KCNT2: variants seen among roughly 807,000 people sequenced by gnomAD.
KCNT2 encodes the protein potassium sodium-activated channel subfamily T member 2.
Under a neutral mutation model 153.8 loss-of-function variants are expected in KCNT2, and 67 were observed. The ratio of observed to expected loss-of-function variants is 0.44; its 90% CI spans 0.36 to 0.53. The LOEUF (loss-of-function observed/expected upper bound fraction) is 0.53. KCNT2 is among the 20% of genes least tolerant of loss of function. The pLI, the probability that KCNT2 is intolerant of heterozygous loss-of-function variation, is 0.00. For synonymous variants in KCNT2, 500 were observed against 458.8 expected (o/e 1.09, Z -1.15); for missense variants, 975 against 1,354.8 (o/e 0.72, Z 4.40).
chr1:196,386,871 T>C (rs1558228285), intron 13 of KCNT2, among the ~76,000 whole-genome samples: 1 of 152,094 alleles, frequency 6.6e-6, no homozygotes, highest in Admixed American at 6.6e-5. Context: ...AAATATTAAG[T>C]GAGATCGATC....
At chr1:196,514,128 G>A (rs1681863745) in intron 1 of KCNT2, among the ~76,000 whole-genome samples, 1 of 152,148 alleles carries the variant, frequency 6.6e-6, no homozygotes, top group Non-Finnish European at 1.5e-5. Flanking sequence ...CTAAAATTGT[G>A]AGGGCAGGAA....
intron 17 of KCNT2, among the ~76,000 whole-genome samples, chr1:196,332,628 G>A (rs569865100): frequency 2.1e-4 from 32 of 152,134 alleles, no homozygotes; most frequent in South Asian, 1.0e-3. Flanking sequence ...ACTACTACCC[G>A]TAATATGACT....
chr1:196,504,857 G>T (rs913094164), intron 1 of KCNT2, among the ~76,000 whole-genome samples: 48 of 152,230 alleles, frequency 3.2e-4, no homozygotes, highest in African/African-American at 1.1e-3. Flanking sequence ...ATTTTTTTAT[G>T]TGTTTTTTGG....
intron 8 of KCNT2, among the ~76,000 whole-genome samples, chr1:196,464,777 A>G (rs1286931971): frequency 6.6e-6 from 1 of 152,008 alleles, no homozygotes. Context: ...TTTATAATAA[A>G]GCATATTTTA....
chr1:196,424,956 C>T (rs1673525634), intron 11 of KCNT2, among the ~76,000 whole-genome samples: 1 of 150,844 alleles, frequency 6.6e-6, no homozygotes, highest in African/African-American at 2.4e-5. Context: ...CTCAGGTTAT[C>T]CAGGAAAGAA....
At chr1:196,348,225 T>C (rs118074935) in intron 14 of KCNT2, among the ~76,000 whole-genome samples, 1 of 149,140 alleles carries the variant, frequency 6.7e-6, no homozygotes, top group East Asian at 2.0e-4. Flanking sequence ...AAAAACTGAG[T>C]TTCATAATCA....
intron 1 of KCNT2, among the ~76,000 whole-genome samples, chr1:196,514,576 T>G (rs1681898791): frequency 6.6e-6 from 1 of 152,208 alleles, no homozygotes; most frequent in Non-Finnish European, 1.5e-5. Context: ...ATGTGTACTA[T>G]GTGAACACTT....
At chr1:196,578,483 G>T (rs879625589) in intron 1 of KCNT2, among the ~76,000 whole-genome samples, 1 of 152,160 alleles carries the variant, frequency 6.6e-6, no homozygotes, top group East Asian at 1.9e-4. Flanking sequence ...ACAGAGCACT[G>T]GAGGATGAAA....
At chr1:196,277,604 C>G (rs1186841738) in intron 25 of KCNT2, among the ~76,000 whole-genome samples, 1 of 152,078 alleles carries the variant, frequency 6.6e-6, no homozygotes, top group Non-Finnish European at 1.5e-5. Context: ...GATCTGACAG[C>G]AACCTAAGCA....
chr1:196,309,223 G>C (rs564578378), intron 21 of KCNT2, among the ~76,000 whole-genome samples: 36 of 151,952 alleles, frequency 2.4e-4, no homozygotes, highest in South Asian at 4.1e-4. Flanking sequence ...TGAAAATCAA[G>C]TTTAACTTTT....
At chr1:196,527,893 C>T (rs911975821) in intron 1 of KCNT2, among the ~76,000 whole-genome samples, 6 of 152,156 alleles carry the variant, frequency 3.9e-5, no homozygotes, top group Non-Finnish European at 7.4e-5. Context: ...TACCAAATTT[C>T]TTCTGCCATT....
chr1:196,275,453 G>GA (rs989840789), intron 25 of KCNT2, among the ~76,000 whole-genome samples: 3 of 151,462 alleles, frequency 2.0e-5, no homozygotes, highest in African/African-American at 4.8e-5. Flanking sequence ...CATCACACCA[G>GA]AAAAAAATGA....
intron 25 of KCNT2, among the ~76,000 whole-genome samples, chr1:196,279,832 TA>T (rs776307977): frequency 1.3e-5 from 2 of 152,088 alleles, no homozygotes; most frequent in African/African-American, 2.4e-5. Context: ...TGTCAAACTA[TA>T]AATTTGATCA....
intron 27 of KCNT2, among the ~76,000 whole-genome samples, chr1:196,235,247 T>C (rs1435347104): frequency 6.6e-6 from 1 of 151,428 alleles, no homozygotes; most frequent in Non-Finnish European, 1.5e-5. Context: ...ATTCTTTCTG[T>C]TCTGGAATGT....
rs561036529 is a variant in KCNT2, at chr1:196,238,300, G to T, written c.3212-2230C>A. ...TGTAGATAATTGAGAAATTTCCGGT[G>T]GGAGATATGATTTTTGTGCCAATAT... is the stretch of plus-strand genomic sequence containing the variant. On this transcript the variant is annotated intron_variant, in intron 26 of 27. Coordinates refer to ENST00000294725, the MANE Select transcript of KCNT2 (RefSeq NM_198503.5). Among the ~76,000 whole-genome samples, 29 of 151,752 alleles carry T rather than the reference G, an allele frequency of 1.9e-4. No homozygotes were observed. The South Asian group carries it at 5.6e-3, about 29-fold the overall frequency.
chr1:196,459,085 T>C (rs937141120), intron 8 of KCNT2, among the ~76,000 whole-genome samples: 2 of 151,798 alleles, frequency 1.3e-5, no homozygotes, highest in African/African-American at 4.8e-5. Context: ...ATTTGAGATG[T>C]TGGGATTCTA....
intron 25 of KCNT2, among the ~76,000 whole-genome samples, chr1:196,272,636 T>C (rs1181490701): frequency 1.3e-5 from 2 of 151,900 alleles, no homozygotes; most frequent in African/African-American, 4.8e-5. Flanking sequence ...GATGACTTGT[T>C]GAAACCACAG....
At chr1:196,344,758 C>T (rs79271763) in intron 14 of KCNT2, among the ~76,000 whole-genome samples, 7,554 of 152,234 alleles carry the variant, frequency 0.05, 285 homozygotes, top group Non-Finnish European at 0.072. Flanking sequence ...TGGATGGAAT[C>T]GGACTAGGAC....
chr1:196,389,704 C>T (rs1382464132), intron 13 of KCNT2, among the ~76,000 whole-genome samples: 1 of 151,592 alleles, frequency 6.6e-6, no homozygotes, highest in African/African-American at 2.4e-5. Context: ...TAACCCATTC[C>T]TGGAATCATT....
Sources: gnomAD v4.1 joint callset for allele counts (sites outside exome capture counted in the v4.1 genomes callset) on GRCh38, gnomAD v4.1.1 for gene constraint, MANE v1.5 for transcripts, NCBI Gene and HGNC (gene_info 2026-07-23, HGNC 2026-07-21) for gene names.